Variants in MAZ observed in about 807,000 individuals in gnomAD.
The protein encoded by MAZ is MYC associated zinc finger protein, also known as myc-associated zinc finger protein.
A neutral mutation model predicts 32.7 loss-of-function variants in MAZ; 4 were observed. That is an observed-to-expected ratio of 0.12 (90% CI 0.06 to 0.28). The LOEUF (loss-of-function observed/expected upper bound fraction) is 0.28. MAZ is among the 10% of genes least tolerant of loss of function. MAZ has a pLI of 1.00. For missense variants in MAZ, 763 were observed against 667.2 expected (o/e 1.14, Z -1.58); for synonymous variants, 510 against 297.6 (o/e 1.71, Z -7.35).
At chr16:29,808,545 C>T in intron 3 of MAZ, 25 bp from the exon 4 acceptor site, 1 of 1,574,522 alleles carries the variant, frequency 6.4e-7, no homozygotes. Flanking sequence ...CTGTGACACC[C>T]CCCACGCCCC....
Position 29,807,050 on chromosome 16 carries a change from C to T in MAZ, c.265C>T (p.Leu89Phe), listed in dbSNP as rs1899527212. Reference sequence around the variant, plus strand: ...CCTCCAGGTGGACTTGCTCCCGGTGCTCGCCGCCGCCCAGGAGTCCGCCGC... The same window carrying T: ...CCTCCAGGTGGACTTGCTCCCGGTGTTCGCCGCCGCCCAGGAGTCCGCCGC... ...EPLQVDLLPV[L>F]AAAQESAAAA... The change falls in exon 2 of 5, where the codon CTC (leucine) becomes TTC (phenylalanine). Residue 89 changes from leucine to phenylalanine, a missense_variant. By Grantham distance (22) the Leu-to-Phe change is conservative (BLOSUM62 0). Coordinates refer to ENST00000322945, the MANE Select transcript of MAZ (RefSeq NM_002383.4). The T allele has an allele frequency of 2.0e-6, 2 of 1,013,586 alleles. No homozygotes were observed. The highest frequency in any genetic ancestry group is 1.2e-6 in the Non-Finnish European group (1 of 852,458). 62.8% of individuals were successfully genotyped at this position (1,013,586 alleles called of 1,614,324 possible). A position where few individuals can be genotyped will look rare whatever the true frequency, so the allele number is the denominator to read the frequency against.
intron 4 of MAZ, chr16:29,809,034 AG>A (rs1307798473): frequency 1.8e-6 from 1 of 544,316 alleles, no homozygotes; most frequent in East Asian, 3.1e-5. Flanking sequence ...AGCCAGTTCC[AG>A]GGGTCACAAG....
chr16:29,808,478 C>G, intron 3 of MAZ, 92 bp from the exon 4 acceptor site: 1 of 1,035,218 alleles, frequency 9.7e-7, no homozygotes, highest in East Asian at 2.6e-5. Flanking sequence ...ATCCCCAAGG[C>G]TCTGATTCCT....
rs200699874 is a variant in MAZ, at chr16:29,808,731, C to T, written c.1269C>T (p.Leu423=). Residue 423 remains leucine (L), a synonymous_variant, in exon 4 of 5, where the codon CTC becomes CTT. Transcript: ENST00000322945. Reference sequence around the variant, plus strand: ...AGGGTCCTCACCATGTCTGTGAGCTCTGCAACAAAGGTACATGCCGAGGGC... The same window carrying T: ...AGGGTCCTCACCATGTCTGTGAGCTTTGCAACAAAGGTACATGCCGAGGGC... ...HSQGPHHVCE[L]CNKGTGEVCP... 31 of 1,613,658 alleles carry T rather than the reference C, an allele frequency of 1.9e-5. No individual in the cohort carries two copies. The highest frequency in any genetic ancestry group is 3.3e-5 in the Admixed American group (2 of 59,986).
Position 29,810,215 on chromosome 16 carries a change from C to A in MAZ, c.1418C>A (p.Pro473His), listed in dbSNP as rs1219433476. 1.3e-6 allele frequency: 2 copies of A among 1,594,678 alleles called. No homozygotes were observed. The highest frequency in any genetic ancestry group is 4.5e-5 in the East Asian group (2 of 44,062). Residue 473 changes from proline to histidine, a missense_variant, in exon 5 of 5, where the codon CCC (proline) becomes CAC (histidine). Transcript: ENST00000322945. The stretch of plus-strand genomic sequence containing the variant: ...GTGCCTGTGAGCTCTCAGCCACTTC[C>A]CTCCCAACCCTGGTGAGCTCCAAGT... The part of the protein sequence containing the change: ...EGVPVSSQPL[P>H]SQPW
Position 29,808,220 on chromosome 16 carries a change from G to T in MAZ, c.1044-10G>T. 1 of 1,613,540 alleles carries T rather than the reference G, an allele frequency of 6.2e-7. No homozygotes were observed. Among genetic ancestry groups the T allele is most frequent in the Middle Eastern group, 1.7e-4 (1 of 6,054 alleles). On this transcript the variant is annotated splice_polypyrimidine_tract_variant and intron_variant, in intron 2 of 4. Coordinates refer to ENST00000322945, the MANE Select transcript of MAZ (RefSeq NM_002383.4). ...CCTCCGCCCTAACCCCAACCCCAAC[G>T]TGTCCCCAGGCCGGATCACCTCAAC...
In MAZ at chr16:29,810,686, GGGA is replaced by G; in HGVS notation, c.*460_*462del. The G allele has an allele frequency of 2.1e-6, 1 of 481,118 alleles. No individual in the cohort carries two copies. The highest frequency in any genetic ancestry group is 3.8e-6 in the Non-Finnish European group (1 of 262,882). 29.8% of individuals were successfully genotyped at this position (481,118 alleles called of 1,614,324 possible). A position where few individuals can be genotyped will look rare whatever the true frequency, so the allele number is the denominator to read the frequency against. ...CCTTTTTTTTTTTTTTCCAGGGGGA[GGGA>G]GGAGAGGAAGGAGGGGGATCAGAGC... On this transcript the variant is annotated 3_prime_UTR_variant, in exon 5 of 5. Coordinates refer to ENST00000322945, the MANE Select transcript of MAZ (RefSeq NM_002383.4).
rs749558904 is a variant in MAZ at position 29,810,248 on chromosome 16, G to T, written c.*17G>T. ...CCCTGGTGAGCTCCAAGTTGGTTGC[G>T]GGGGAGAGGGGAGAATGGAGTAGAG... On this transcript the variant is annotated 3_prime_UTR_variant, in exon 5 of 5. Transcript: ENST00000322945. The T allele has an allele frequency of 4.3e-5, 67 of 1,569,350 alleles. No individual in the cohort carries two copies. Among genetic ancestry groups the T allele is most frequent in the Non-Finnish European group, 5.4e-5 (62 of 1,157,230 alleles).
Position 29,808,242 on chromosome 16 carries a change from C to A in MAZ, c.1056C>A (p.Leu352=), listed in dbSNP as rs764331911. 6.2e-7 allele frequency: 1 copy of A among 1,614,090 alleles called. No homozygotes were observed. The highest frequency in any genetic ancestry group is 1.1e-5 in the South Asian group (1 of 91,082). ...CGKSFSRPDH[L]NSHVRQVHST... Reference sequence around the variant, plus strand: ...AACGTGTCCCCAGGCCGGATCACCTCAACAGTCACGTCAGACAAGTGCACT... The same window carrying A: ...AACGTGTCCCCAGGCCGGATCACCTAAACAGTCACGTCAGACAAGTGCACT... The change falls in exon 3 of 5, where the codon CTC becomes CTA. Residue 352 remains leucine, a synonymous_variant. Transcript: ENST00000322945.
chr16:29,806,287 C>T (rs1195830374), upstream of MAZ: 2 of 177,476 alleles, frequency 1.1e-5, no homozygotes, highest in East Asian at 8.6e-5. Flanking sequence ...GCGCAGCTGT[C>T]CCCCTCCCTC....
chr16:29,808,396 G>C, intron 3 of MAZ, 103 bp downstream of exon 3: 1 of 1,242,008 alleles, frequency 8.1e-7, no homozygotes, highest in Admixed American at 1.8e-5. Flanking sequence ...TCTTCTTTTT[G>C]CCTTTTTGCT....
At chr16:29,809,878 C>T in intron 4 of MAZ, 199 bp from the exon 5 acceptor site, 1 of 1,052,354 alleles carries the variant, frequency 9.5e-7, no homozygotes, top group Non-Finnish European at 1.4e-6. Context: ...ACCACTCAGG[C>T]TAGGGAGACT....
rs924423932 is a variant in MAZ at position 29,811,064 on chromosome 16, C to G, written c.*833C>G. On this transcript the variant is annotated 3_prime_UTR_variant, in exon 5 of 5. Coordinates refer to ENST00000322945, the MANE Select transcript of MAZ (RefSeq NM_002383.4). Reference sequence around the variant, plus strand: ...CCCCACGACAGAAGAAGTTGTGGCCCTGGCCATGTCATCGTGTTCCTGTGT... The same window carrying G: ...CCCCACGACAGAAGAAGTTGTGGCCGTGGCCATGTCATCGTGTTCCTGTGT... 1 of 455,178 alleles carries G rather than the reference C, an allele frequency of 2.2e-6. No individual in the cohort carries two copies. The highest frequency in any genetic ancestry group is 4.4e-6 in the Non-Finnish European group (1 of 226,390). 28.2% of individuals were successfully genotyped at this position (455,178 alleles called of 1,614,324 possible).
At position 29,807,155 on chromosome 16, in the gene MAZ, A is replaced by G. The variant is rs1280682178; in HGVS notation, c.370A>G (p.Thr124Ala). 6.6e-6 allele frequency: 7 copies of G among 1,061,464 alleles called. No individual in the cohort carries two copies. The highest frequency in any genetic ancestry group is 4.2e-5 in the East Asian group (1 of 23,612). 65.8% of individuals were successfully genotyped at this position (1,061,464 alleles called of 1,614,324 possible). Residue 124 changes from threonine (T) to alanine (A), a missense_variant, in exon 2 of 5, where the codon ACA becomes GCA. Thr to Ala is a moderately conservative substitution (Grantham distance 58, BLOSUM62 0). Coordinates refer to ENST00000322945, the MANE Select transcript of MAZ (RefSeq NM_002383.4). ...PAPAAASTVD[T>A]AALKQPPAPP... ...CCCTGCCGCCGCCTCTACGGTGGAC[A>G]CAGCGGCCCTGAAGCAGCCTCCGGC...
chr16:29,809,990 G>C, intron 4 of MAZ, 87 bp from the exon 5 acceptor site: 4 of 1,539,630 alleles, frequency 2.6e-6, no homozygotes, highest in Non-Finnish European at 1.7e-6. Flanking sequence ...CTGTGTCCCA[G>C]GGGAAGCAGG....
At position 29,807,088 on chromosome 16, in the gene MAZ, C is replaced by G; in HGVS notation, c.303C>G (p.Ala101=). 1.0e-6 allele frequency: 1 copy of G among 990,174 alleles called. No homozygotes were observed. Among genetic ancestry groups the G allele is most frequent in the Non-Finnish European group, 1.2e-6 (1 of 826,660 alleles). The allele number at this position is 990,174 out of a possible 1,614,324, so 61.3% of individuals were successfully genotyped here. ...AGGAGTCCGCCGCGGCTGCTGCGGCCGCTGCCGCCGCTGCTGCCGCCGTCG... is the reference window on the plus strand; with the variant it reads ...AGGAGTCCGCCGCGGCTGCTGCGGCGGCTGCCGCCGCTGCTGCCGCCGTCG... The part of the protein sequence containing the change: ...AAQESAAAAA[A]AAAAAAAVAA... Residue 101 remains alanine (A), a synonymous_variant, in exon 2 of 5, where the codon GCC becomes GCG. Coordinates refer to ENST00000322945, the MANE Select transcript of MAZ (RefSeq NM_002383.4).
At chr16:29,808,405 C>T (rs1006653540) in intron 3 of MAZ, 112 bp downstream of exon 3, 25 of 1,143,766 alleles carry the variant, frequency 2.2e-5, no homozygotes, top group Non-Finnish European at 3.1e-5. Flanking sequence ...TGCCTTTTTG[C>T]TCCATTTTCT....
chr16:29,808,387 C>T (rs992038503), intron 3 of MAZ, 94 bp downstream of exon 3: 54 of 1,319,848 alleles, frequency 4.1e-5, no homozygotes, highest in East Asian at 1.9e-4. Flanking sequence ...TTTTCTCTCT[C>T]TTCTTTTTGC....
Position 29,806,697 on chromosome 16 carries a change from A to C in MAZ, c.-5A>C, listed in dbSNP as rs1391854566. ...AGCCCCGGGGGCCCCGCTGCGGCCG[A>C]GGCCATGTTCCCGGTGTTTCCTTGC... On this transcript the variant is annotated 5_prime_UTR_variant, in exon 1 of 5. Transcript: ENST00000322945. The C allele has an allele frequency of 8.1e-7, 1 of 1,240,928 alleles. No individual in the cohort carries two copies. Among genetic ancestry groups the C allele is most frequent in the East Asian group, 3.9e-5 (1 of 25,806 alleles). 76.9% of individuals were successfully genotyped at this position (1,240,928 alleles called of 1,614,324 possible).
Sources: allele counts gnomAD v4.1 joint callset, GRCh38; gene constraint gnomAD v4.1.1; transcripts MANE v1.5; gene names NCBI Gene and HGNC (gene_info 2026-07-23, HGNC 2026-07-21).